Variants in MAST4 observed in about 807,000 individuals in gnomAD.
MAST4 encodes microtubule associated serine/threonine kinase family member 4, also known as microtubule-associated serine/threonine-protein kinase 4.
MAST4 carries 89 observed loss-of-function variants against 162.7 expected under a neutral mutation model. The observed-to-expected ratio is 0.55, with a 90% confidence interval of 0.46 to 0.65. The LOEUF is 0.65. Among genes scored for constraint, MAST4 ranks in the 30% least tolerant of loss-of-function variants. The pLI is 0.00. For synonymous variants in MAST4, 1,479 were observed against 1,361.1 expected, an observed-to-expected ratio of 1.09 and a Z score of -1.91; for missense variants, 3,153 against 3,374.0, an observed-to-expected ratio of 0.93 and a Z score of 1.62.
intron 4 of MAST4, among the ~76,000 whole-genome samples, chr5:66,901,791 T>C (rs1763026006): frequency 6.6e-6 from 1 of 152,108 alleles, no homozygotes. Context: ...AGCACAAATA[T>C]TCCCCAGAGA....
At chr5:66,663,591 A>G (rs950594889) in intron 1 of MAST4, among the ~76,000 whole-genome samples, 1 of 152,142 alleles carries the variant, frequency 6.6e-6, no homozygotes, top group Admixed American at 6.5e-5. Context: ...AGGCAGAGGC[A>G]AGAGAAGGTG....
At chr5:66,643,056 T>C (rs1413714713) in intron 1 of MAST4, among the ~76,000 whole-genome samples, 1 of 152,188 alleles carries the variant, frequency 6.6e-6, no homozygotes, top group Non-Finnish European at 1.5e-5. Context: ...GGACTGAATG[T>C]TTAAAAAATA....
chr5:66,774,319 C>A (rs1754486381), intron 2 of MAST4, among the ~76,000 whole-genome samples: 1 of 152,156 alleles, frequency 6.6e-6, no homozygotes, highest in Non-Finnish European at 1.5e-5. Context: ...GGTTTTGCTC[C>A]ATTTTGCTAG....
At chr5:66,848,808 C>T (rs1759082779) in intron 3 of MAST4, among the ~76,000 whole-genome samples, 1 of 152,098 alleles carries the variant, frequency 6.6e-6, no homozygotes, top group South Asian at 2.1e-4. Flanking sequence ...GATCCAATTC[C>T]ATAGACCCTC....
intron 25 of MAST4, 104 bp downstream of exon 25, chr5:67,152,970 A>G: frequency 1.1e-6 from 1 of 934,774 alleles, no homozygotes; most frequent in Non-Finnish European, 1.6e-6. Flanking sequence ...TTAAGCTTGC[A>G]TTTGCGACCT....
intron 4 of MAST4, among the ~76,000 whole-genome samples, chr5:66,960,834 T>A (rs965227629): frequency 3.9e-5 from 6 of 152,330 alleles, no homozygotes; most frequent in South Asian, 2.1e-4. Flanking sequence ...AAACATTCCA[T>A]TTTATGATTA....
At chr5:66,676,205 A>G (rs907259034) in intron 1 of MAST4, among the ~76,000 whole-genome samples, 6 of 152,206 alleles carry the variant, frequency 3.9e-5, no homozygotes, top group African/African-American at 1.4e-4. Context: ...AATACAGGCA[A>G]GTGTCTGGAA....
At chr5:66,697,915 C>A (rs1054453909) in intron 1 of MAST4, among the ~76,000 whole-genome samples, 1 of 152,146 alleles carries the variant, frequency 6.6e-6, no homozygotes, top group Non-Finnish European at 1.5e-5. Flanking sequence ...TCAGGAACTG[C>A]TGCTGTCCTA....
At chr5:66,932,610 T>C (rs1742302050) in intron 4 of MAST4, among the ~76,000 whole-genome samples, 1 of 152,234 alleles carries the variant, frequency 6.6e-6, no homozygotes, top group African/African-American at 2.4e-5. Flanking sequence ...AACCTTGATC[T>C]GAAAGCTGCA....
Position 66,796,024 on chromosome 5 carries a change from C to A in MAST4, c.642+7230C>A, listed in dbSNP as rs190545287. 1.4e-4 allele frequency among the ~76,000 whole-genome samples: 21 copies of A among 152,240 alleles called. No homozygotes were observed. The East Asian group carries it at 3.7e-3, about 27-fold the overall frequency. ...TTTTCATAACTCAGTGCTGAAATAG[C>A]AGTAGGGAGCCCTGAGCAGATTATT... On this transcript the variant is annotated intron_variant, in intron 3 of 28. Transcript: ENST00000403625.
intron 13 of MAST4, 116 bp downstream of exon 13, chr5:67,118,865 T>A: frequency 1.5e-6 from 1 of 650,394 alleles, no homozygotes; most frequent in South Asian, 2.0e-5. Context: ...TGTGAATATA[T>A]GAATAAGAAT....
chr5:66,649,560 A>T (rs1420044471), intron 1 of MAST4, among the ~76,000 whole-genome samples: 2 of 152,110 alleles, frequency 1.3e-5, no homozygotes, highest in African/African-American at 4.8e-5. Flanking sequence ...TTTAGCCTTT[A>T]GTTATTTTAA....
At chr5:66,999,945 A>G (rs551446319) in intron 4 of MAST4, among the ~76,000 whole-genome samples, 2 of 152,276 alleles carry the variant, frequency 1.3e-5, no homozygotes, top group South Asian at 4.1e-4. Context: ...TTGTTTAATA[A>G]TATTAGAAAC....
intron 4 of MAST4, among the ~76,000 whole-genome samples, chr5:66,928,876 G>A (rs1181359679): frequency 6.6e-6 from 1 of 152,172 alleles, no homozygotes; most frequent in Non-Finnish European, 1.5e-5. Flanking sequence ...CTTGGTGAAT[G>A]ATGATTCCCC....
intron 4 of MAST4, chr5:67,004,775 G>A: frequency 1.9e-6 from 1 of 519,966 alleles, no homozygotes; most frequent in Non-Finnish European, 3.5e-6. Flanking sequence ...TTTGAGAGGA[G>A]GCTGTGTGTT....
At chr5:66,720,268 T>C (rs1751112979) in intron 1 of MAST4, among the ~76,000 whole-genome samples, 1 of 152,148 alleles carries the variant, frequency 6.6e-6, no homozygotes, top group Non-Finnish European at 1.5e-5. Flanking sequence ...TGCTGACTTC[T>C]GTAAAAAATG....
At chr5:67,009,860 A>G (rs757665821) in intron 4 of MAST4, among the ~76,000 whole-genome samples, 5 of 152,156 alleles carry the variant, frequency 3.3e-5, no homozygotes, top group Non-Finnish European at 7.3e-5. Context: ...AAGATTTTGC[A>G]GGGCTAGATA....
intron 3 of MAST4, among the ~76,000 whole-genome samples, chr5:66,800,546 G>T (rs1755866821): frequency 6.6e-6 from 1 of 152,092 alleles, no homozygotes; most frequent in Non-Finnish European, 1.5e-5. Flanking sequence ...CTGCTTGAGG[G>T]TGGAGGGTGG....
chr5:66,942,912 G>T (rs1206930933), intron 4 of MAST4, among the ~76,000 whole-genome samples: 1 of 152,102 alleles, frequency 6.6e-6, no homozygotes, highest in African/African-American at 2.4e-5. Flanking sequence ...AGATCAAGGT[G>T]CTGGAAGATT....
Sources: gnomAD v4.1 joint callset for allele counts (sites outside exome capture counted in the v4.1 genomes callset) on GRCh38, gnomAD v4.1.1 for gene constraint, MANE v1.5 for transcripts, NCBI Gene and HGNC (gene_info 2026-07-23, HGNC 2026-07-21) for gene names.